ZAN: variants seen among roughly 807,000 people sequenced by gnomAD.
ZAN encodes the protein zonadhesin (gene/pseudogene).
Under a neutral mutation model 286.2 loss-of-function variants are expected in ZAN, and 260 were observed. The observed-to-expected ratio is 0.91, with a 90% CI of 0.82 to 1.01. ZAN has a LOEUF of 1.01. ZAN is among the 50% of genes least tolerant of loss of function. ZAN has a pLI of 0.00. For synonymous variants in ZAN, 1,368 were observed against 1,417.5 expected, an observed-to-expected ratio of 0.97 and a Z score of 0.79; for missense variants, 3,410 against 3,639.2, an observed-to-expected ratio of 0.94 and a Z score of 1.62.
intron 42 of ZAN, among the ~76,000 whole-genome samples, 166 bp from the exon 43 acceptor site, chr7:100,793,654 T>A (rs1584638922): frequency 6.6e-6 from 1 of 152,096 alleles, no homozygotes; most frequent in Non-Finnish European, 1.5e-5. Context: ...GCCAGGCTGG[T>A]CTTGAACTCC....
intron 3 of ZAN, among the ~76,000 whole-genome samples, chr7:100,736,264 C>T (rs1490493142): frequency 7.0e-6 from 1 of 142,374 alleles, no homozygotes; most frequent in Non-Finnish European, 1.6e-5. Context: ...AGTGCAGTGG[C>T]GCGATCTTGG....
chr7:100,789,105 ACT>A lies in ZAN; in HGVS notation c.7228-108_7228-107del. On this transcript the variant is annotated intron_variant, in intron 38 of 47. Transcript: ENST00000613979. ...AAAGCCCATTGGGGTATCTTATTCCACTCTCTGCACGGAGACATATGGAGATG... is the reference window on the plus strand; with the variant it reads ...AAAGCCCATTGGGGTATCTTATTCCACTCTGCACGGAGACATATGGAGATG... 7 of 1,421,362 alleles carry A rather than the reference ACT, an allele frequency of 4.9e-6. No individual in the cohort carries two copies. In the South Asian group the frequency reaches 9.1e-5, roughly 18 times the overall value. The allele number at this position is 1,421,362 out of a possible 1,614,324, so 88.0% of individuals were successfully genotyped here.
chr7:100,765,656 T>C (rs1809915121), intron 23 of ZAN, 102 bp downstream of exon 23: 2 of 1,408,400 alleles, frequency 1.4e-6, no homozygotes, highest in African/African-American at 2.9e-5. Context: ...TTTCTTGTTT[T>C]GTTTTGTTTT....
At chr7:100,790,733 A>G (rs1811883116) in intron 39 of ZAN, among the ~76,000 whole-genome samples, 1 of 151,540 alleles carries the variant, frequency 6.6e-6, no homozygotes, top group Non-Finnish European at 1.5e-5. Flanking sequence ...AAATACAAAA[A>G]TTAGCCAGGC....
chr7:100,737,009 TG>T lies in ZAN; in HGVS notation c.456del (p.Trp152Ter), dbSNP rs1456959325. ...CCGCCCCGATGTGCTCTGGAAACAC[TG>T]GAACACCCAGAGACCCTCCTGGATG... ...GRRPDVLWKH[W>X]NTQRPSWMLT... is the part of the protein sequence containing the mutation. On this transcript the variant is annotated frameshift_variant, in exon 5 of 48. Coordinates refer to ENST00000613979, the MANE Select transcript of ZAN (RefSeq NM_003386.3). LOFTEE classifies it high-confidence loss of function. The T allele has an allele frequency of 1.3e-5, 19 of 1,501,298 alleles. 4 individuals carry two copies. The highest frequency in any genetic ancestry group is 1.7e-5 in the Non-Finnish European group (19 of 1,096,992). 93.0% of individuals were successfully genotyped at this position (1,501,298 alleles called of 1,614,324 possible).
rs943366919 is a variant in ZAN at position 100,775,587 on chromosome 7, G to A, written c.6027+12G>A. Reference sequence around the variant, plus strand: ...GCCACCGTGTGCTAGTGAGCTGGGTGTGGTGACCGGGGCTGGGAGGGAGTG... The same window carrying A: ...GCCACCGTGTGCTAGTGAGCTGGGTATGGTGACCGGGGCTGGGAGGGAGTG... On this transcript the variant is annotated intron_variant, in intron 32 of 47. Transcript: ENST00000613979. 3 of 1,612,332 alleles carry A rather than the reference G, an allele frequency of 1.9e-6. No individual in the cohort carries two copies. The highest frequency in any genetic ancestry group is 2.7e-5 in the African/African-American group (2 of 74,902).
Position 100,773,849 on chromosome 7 carries a change from CCAT to C in ZAN, c.5764_5766del (p.His1922del), listed in dbSNP as rs1186793581. 725,961 of 1,589,680 alleles carry C rather than the reference CCAT, an allele frequency of 0.46. 175,152 individuals are homozygous for C. The highest frequency in any genetic ancestry group is 0.55 in the Middle Eastern group (3,333 of 6,046). ...TATGCTGGGCCCTGGATGGGCTGCT[CCAT>C]TGTCGGGCCTCAGGTAGGAGGACCA... On this transcript the variant is annotated inframe_deletion, in exon 31 of 48. Transcript: ENST00000613979.
Position 100,734,258 on chromosome 7 carries a change from C to A in ZAN, c.53+37C>A, listed in dbSNP as rs1043085986. ...CCAGGGGGTAATGATAAACCAGGGT[C>A]AGCTGAGGGTGGCTGTAAGGAATAT... On this transcript the variant is annotated intron_variant, in intron 2 of 47. Coordinates refer to ENST00000613979, the MANE Select transcript of ZAN (RefSeq NM_003386.3). 13 of 1,327,100 alleles carry A rather than the reference C, an allele frequency of 9.8e-6. 2 individuals carry two copies. The highest frequency in any genetic ancestry group is 1.2e-5 in the Non-Finnish European group (12 of 969,426). The allele number at this position is 1,327,100 out of a possible 1,614,324, so 82.2% of individuals were successfully genotyped here. A position where few individuals can be genotyped will look rare whatever the true frequency, so the allele number is the denominator to read the frequency against.
At chr7:100,755,090 T>C in intron 14 of ZAN, 136 bp from the exon 15 acceptor site, 1 of 1,053,800 alleles carries the variant, frequency 9.5e-7, no homozygotes, top group Non-Finnish European at 1.4e-6. Flanking sequence ...GCACCCAGCC[T>C]TCAGGCCTTT....
At chr7:100,785,223 C>CTTTTT (rs5886135) in intron 36 of ZAN, among the ~76,000 whole-genome samples, 4 of 87,546 alleles carry the variant, frequency 4.6e-5, no homozygotes, top group Non-Finnish European at 6.7e-5. Flanking sequence ...AACACAGTGC[C>CTTTTT]TTTTTTTTTT....
chr7:100,747,487 T>C, intron 8 of ZAN, 63 bp from the exon 9 acceptor site: 2 of 1,380,268 alleles, frequency 1.4e-6, no homozygotes, highest in Non-Finnish European at 2.1e-6. Context: ...CTCCTAGGTA[T>C]AGTTCAAAGT....
rs754180316 is a variant in ZAN at position 100,787,945 on chromosome 7, AGCTACCGCTTGCAAGGCCGCATGACCTAT to A, written c.7038_7066del (p.Tyr2347SerfsTer10). ...CCGTTACCTCACATTTGACGGCTTCAGCTACCGCTTGCAAGGCCGCATGACCTATGTTCTGATCAAGACTGTGGACGTAC... is the reference window on the plus strand; with the variant it reads ...CCGTTACCTCACATTTGACGGCTTCAGTTCTGATCAAGACTGTGGACGTAC... On this transcript the variant is annotated frameshift_variant, in exon 38 of 48. Coordinates refer to ENST00000613979, the MANE Select transcript of ZAN (RefSeq NM_003386.3). LOFTEE classifies it high-confidence loss of function. The A allele has an allele frequency of 2.8e-5, 14 of 491,506 alleles. No individual in the cohort carries two copies. Among genetic ancestry groups the A allele is most frequent in the Non-Finnish European group, 5.1e-5 (14 of 272,002 alleles). 30.4% of individuals were successfully genotyped at this position (491,506 alleles called of 1,614,324 possible).
At position 100,749,532 on chromosome 7, in the gene ZAN, C is replaced by T. The variant is rs1321001782; in HGVS notation, c.1249+1062C>T. Among the ~76,000 whole-genome samples the T allele has an allele frequency of 4.7e-5, 7 of 150,286 alleles. No individual in the cohort carries two copies. The East Asian group carries it at 7.9e-4, about 17-fold the overall frequency. The stretch of plus-strand genomic sequence containing the variant: ...GTGGGCGCCTGTAGTCCCAGCTACT[C>T]GGGAGGCTGAGGCAGGAGAATGGCG... On this transcript the variant is annotated intron_variant, in intron 11 of 47. Coordinates refer to ENST00000613979, the MANE Select transcript of ZAN (RefSeq NM_003386.3).
At chr7:100,772,253 GA>G (rs1810425089) in intron 29 of ZAN, among the ~76,000 whole-genome samples, 1 of 151,194 alleles carries the variant, frequency 6.6e-6, no homozygotes, top group Non-Finnish European at 1.5e-5. Flanking sequence ...TCAACATGGT[GA>G]AACCCCGTCT....
At chr7:100,751,044 C>A (rs1469307800) in intron 12 of ZAN, 138 bp from the exon 13 acceptor site, 4 of 1,377,054 alleles carry the variant, frequency 2.9e-6, no homozygotes, top group Admixed American at 2.8e-5. Context: ...GAGAAAGGGG[C>A]CGGGATGGGG....
chr7:100,747,339 A>G (rs1584557409), intron 8 of ZAN, among the ~76,000 whole-genome samples: 2 of 152,212 alleles, frequency 1.3e-5, no homozygotes, highest in East Asian at 1.9e-4. Flanking sequence ...GTGAGCCAAG[A>G]TAGTGCCACT....
In ZAN at chr7:100,761,727, A is replaced by G. The variant is rs546462300; in HGVS notation, c.3843-488A>G. On this transcript the variant is annotated intron_variant, in intron 19 of 47. Transcript: ENST00000613979. ...TCTGGGAGGCCAAGGCAGGCAGATT[A>G]GGAGTTTGAGACCAGCCTGGCCAAC... Among the ~76,000 whole-genome samples, 6 of 152,186 alleles carry G rather than the reference A, an allele frequency of 3.9e-5. No individual in the cohort carries two copies. In the South Asian group the frequency reaches 8.3e-4, roughly 21 times the overall value.
rs755710647 is a variant in ZAN at position 100,787,953 on chromosome 7, C to T, written c.7044C>T (p.Arg2348=). 1.0e-5 allele frequency: 5 copies of T among 498,168 alleles called. No individual in the cohort carries two copies. The Admixed American group carries it at 1.1e-4, about 11-fold the overall frequency. The allele number at this position is 498,168 out of a possible 1,614,324, so 30.9% of individuals were successfully genotyped here. A position where few individuals can be genotyped will look rare whatever the true frequency, so the allele number is the denominator to read the frequency against. Residue 2348 remains arginine, a synonymous_variant, in exon 38 of 48, where the codon CGC becomes CGT. Transcript: ENST00000613979. The part of the protein sequence containing the change: ...RYLTFDGFSY[R]LQGRMTYVLI... ...TCACATTTGACGGCTTCAGCTACCG[C>T]TTGCAAGGCCGCATGACCTATGTTC... is the stretch of plus-strand genomic sequence containing the variant.
intron 34 of ZAN, 133 bp from the exon 35 acceptor site, chr7:100,779,313 G>A (rs1344544517): frequency 4.6e-6 from 4 of 876,178 alleles, no homozygotes; most frequent in African/African-American, 1.7e-5. Flanking sequence ...GGAAGGCAGA[G>A]GTTGCAGTGA....
Sources: gnomAD v4.1 joint callset for allele counts (sites outside exome capture counted in the v4.1 genomes callset) on GRCh38, gnomAD v4.1.1 for gene constraint, MANE v1.5 for transcripts, NCBI Gene and HGNC (gene_info 2026-07-23, HGNC 2026-07-21) for gene names.